The following BMP6 variants were observed in gnomAD, a reference collection of about 807,000 sequenced individuals.
BMP6 encodes the protein bone morphogenetic protein 6, also known as VG-1-R.
In BMP6, 17 loss-of-function variants were observed where a neutral mutation model predicts 54.1. The observed-to-expected ratio is 0.31, with a 90% confidence interval of 0.22 to 0.47. BMP6 has a LOEUF of 0.47. BMP6 is among the 20% of genes least tolerant of loss of function. The pLI is 1.00. For missense variants in BMP6, 720 were observed against 690.4 expected, an observed-to-expected ratio of 1.04 and a Z score of -0.48; for synonymous variants, 328 against 291.2, an observed-to-expected ratio of 1.13 and a Z score of -1.28.
Position 7,880,616 on chromosome 6 carries a change from TC to T in BMP6, c.*275del, listed in dbSNP as rs1759702692. The T allele has an allele frequency of 2.1e-6, 1 of 466,130 alleles. No individual in the cohort carries two copies. The highest frequency in any genetic ancestry group is 3.7e-5 in the East Asian group (1 of 27,072). The allele number at this position is 466,130 out of a possible 1,614,324, so 28.9% of individuals were successfully genotyped here. A position where few individuals can be genotyped will look rare whatever the true frequency, so the allele number is the denominator to read the frequency against. On this transcript the variant is annotated 3_prime_UTR_variant, in exon 7 of 7. Transcript: ENST00000283147. Reference sequence around the variant, plus strand: ...TGCAGAAACATAACCGTGAAGCTCTTCCTACCCTCCTCCCCCAAAAACCCAC... The same window carrying T: ...TGCAGAAACATAACCGTGAAGCTCTTCTACCCTCCTCCCCCAAAAACCCAC...
intron 2 of BMP6, among the ~76,000 whole-genome samples, chr6:7,854,958 C>T (rs9502654): frequency 0.062 from 9,464 of 152,212 alleles, 458 homozygotes; most frequent in African/African-American, 0.13. Flanking sequence ...AGTTTCCATC[C>T]TCTTTCCCCC....
At chr6:7,812,106 C>A (rs1162133980) in intron 1 of BMP6, among the ~76,000 whole-genome samples, 1 of 151,178 alleles carries the variant, frequency 6.6e-6, no homozygotes, top group Non-Finnish European at 1.5e-5. Flanking sequence ...TGAGTTAGAT[C>A]AAGGCTTGTA....
At chr6:7,847,482 G>A (rs1428099051) in intron 2 of BMP6, among the ~76,000 whole-genome samples, 1 of 152,166 alleles carries the variant, frequency 6.6e-6, no homozygotes, top group African/African-American at 2.4e-5. Flanking sequence ...CCATCTTGGG[G>A]TGTCTTGGCT....
chr6:7,775,792 T>C (rs1757853892), intron 1 of BMP6, among the ~76,000 whole-genome samples: 1 of 152,234 alleles, frequency 6.6e-6, no homozygotes, highest in Admixed American at 6.5e-5. Flanking sequence ...CTGATGTTCT[T>C]CATCAACTCC....
chr6:7,761,856 C>A, intron 1 of BMP6, among the ~76,000 whole-genome samples: 1 of 152,304 alleles, frequency 6.6e-6, no homozygotes, highest in African/African-American at 2.4e-5. Context: ...TTGTCCGTAA[C>A]TTCCTTGAGG....
intron 1 of BMP6, among the ~76,000 whole-genome samples, chr6:7,791,572 T>C (rs561657371): frequency 3.9e-5 from 6 of 152,280 alleles, no homozygotes. Flanking sequence ...CTGCTGCCCC[T>C]TAACCCAGAA....
rs142922205 is a variant in BMP6, at chr6:7,773,225, C to T, written c.664+45606C>T. ...ACCTAACACCCCAGTGTGACCCTCC[C>T]TCTGCCCTTCATCTCCATGTACACA... On this transcript the variant is annotated intron_variant, in intron 1 of 6. Transcript: ENST00000283147. 5.3e-5 allele frequency among the ~76,000 whole-genome samples: 8 copies of T among 152,354 alleles called. No individual in the cohort carries two copies. The East Asian group carries it at 1.4e-3, about 26-fold the overall frequency.
intron 1 of BMP6, among the ~76,000 whole-genome samples, chr6:7,817,628 A>T (rs1758550233): frequency 6.6e-6 from 1 of 151,890 alleles, no homozygotes; most frequent in Non-Finnish European, 1.5e-5. Flanking sequence ...AATGTAAATG[A>T]TGAGTTAATG....
chr6:7,824,102 G>C (rs755093040), intron 1 of BMP6, among the ~76,000 whole-genome samples: 2 of 152,204 alleles, frequency 1.3e-5, no homozygotes, highest in African/African-American at 4.8e-5. Flanking sequence ...AGTGGTGGAG[G>C]TGGTGAGCAG....
chr6:7,742,671 G>A (rs915260937), intron 1 of BMP6, among the ~76,000 whole-genome samples: 1 of 152,174 alleles, frequency 6.6e-6, no homozygotes, highest in African/African-American at 2.4e-5. Context: ...TGTATTTCCA[G>A]ACCATTGGTG....
chr6:7,779,883 C>T (rs1243984829), intron 1 of BMP6, among the ~76,000 whole-genome samples: 1 of 152,016 alleles, frequency 6.6e-6, no homozygotes, highest in Non-Finnish European at 1.5e-5. Context: ...CTGGTACCTC[C>T]TTGGGGCTTG....
chr6:7,765,329 G>T (rs2113147138), intron 1 of BMP6, among the ~76,000 whole-genome samples: 1 of 152,334 alleles, frequency 6.6e-6, no homozygotes, highest in African/African-American at 2.4e-5. Context: ...CCTCAGGATT[G>T]TAGGAGGGAC....
chr6:7,773,848 C>G (rs144523089), intron 1 of BMP6, among the ~76,000 whole-genome samples: 1 of 152,274 alleles, frequency 6.6e-6, no homozygotes, highest in East Asian at 1.9e-4. Context: ...GACAGGTTCT[C>G]TTCCTCATTT....
At chr6:7,786,853 G>T (rs1211353397) in intron 1 of BMP6, among the ~76,000 whole-genome samples, 1 of 152,142 alleles carries the variant, frequency 6.6e-6, no homozygotes, top group Non-Finnish European at 1.5e-5. Flanking sequence ...ACAGCAATTT[G>T]ACAAGTTTGT....
intron 2 of BMP6, among the ~76,000 whole-genome samples, chr6:7,856,614 T>TTTTTTTTTTTTTTTTTTTTTTTA (rs1491363620): frequency 1.1e-5 from 1 of 95,132 alleles, no homozygotes. Flanking sequence ...TTTTTTTTTT[T>TTTTTTTTTTTTTTTTTTTTTTTA]GAGACGGAGT....
chr6:7,876,786 A>T (rs1443861649), intron 4 of BMP6, among the ~76,000 whole-genome samples: 3 of 152,140 alleles, frequency 2.0e-5, no homozygotes, highest in Non-Finnish European at 4.4e-5. Flanking sequence ...GACTCTTTTT[A>T]CATCTACCTG....
chr6:7,805,480 A>G (rs918459003), intron 1 of BMP6, among the ~76,000 whole-genome samples: 4 of 152,136 alleles, frequency 2.6e-5, no homozygotes, highest in East Asian at 3.9e-4. Context: ...GTGGTTTTCT[A>G]TTAGGTTCAT....
intron 2 of BMP6, among the ~76,000 whole-genome samples, chr6:7,858,290 T>G (rs1020492319): frequency 3.3e-5 from 5 of 151,988 alleles, no homozygotes; most frequent in African/African-American, 1.2e-4. Context: ...TCGCCATGTT[T>G]CCCAGGCTGG....
Position 7,879,122 on chromosome 6 carries a change from A to T in BMP6, c.1253A>T (p.Tyr418Phe). 1 of 1,614,222 alleles carries T rather than the reference A, an allele frequency of 6.2e-7. No homozygotes were observed. The highest frequency in any genetic ancestry group is 8.5e-7 in the Non-Finnish European group (1 of 1,180,022). ...ACAGCCTGCAGGAAGCATGAGCTGTATGTGAGTTTCCAAGACCTGGGATGG... is the reference window on the plus strand; with the variant it reads ...ACAGCCTGCAGGAAGCATGAGCTGTTTGTGAGTTTCCAAGACCTGGGATGG... The part of the protein sequence containing the change: ...LKTACRKHEL[Y>F]VSFQDLGWQD... The change falls in exon 5 of 7, where the codon TAT (tyrosine) becomes TTT (phenylalanine). Residue 418 changes from tyrosine to phenylalanine, a missense_variant. By Grantham distance (22) the Tyr-to-Phe change is conservative. Coordinates refer to ENST00000283147, the MANE Select transcript of BMP6 (RefSeq NM_001718.6).
Sources: gnomAD v4.1 joint callset for allele counts (sites outside exome capture counted in the v4.1 genomes callset) on GRCh38, gnomAD v4.1.1 for gene constraint, MANE v1.5 for transcripts, NCBI Gene and HGNC (gene_info 2026-07-23, HGNC 2026-07-21) for gene names.